The following PRKG1 variants were observed in gnomAD, a reference collection of about 807,000 sequenced individuals.
The protein encoded by PRKG1 is protein kinase cGMP-dependent 1.
In PRKG1, 35 loss-of-function variants were observed where a neutral mutation model predicts 88.1. The observed-to-expected ratio is 0.40, with a 90% confidence interval of 0.30 to 0.53. The LOEUF (loss-of-function observed/expected upper bound fraction) is 0.53. Ranked by LOEUF, PRKG1 falls within the 20% of genes least tolerant of loss-of-function variation. PRKG1 has a pLI of 0.59. For missense variants in PRKG1, 540 were observed against 839.8 expected, an observed-to-expected ratio of 0.64 and a Z score of 4.41; for synonymous variants, 303 against 292.5, an observed-to-expected ratio of 1.04 and a Z score of -0.37.
intron 1 of PRKG1, among the ~76,000 whole-genome samples, chr10:51,117,165 C>G (rs1167388519): frequency 6.6e-6 from 1 of 152,110 alleles, no homozygotes; most frequent in Non-Finnish European, 1.5e-5. Flanking sequence ...TACCCTGTAT[C>G]CTAATTATAG....
At chr10:52,017,619 G>A (rs918809813) in intron 5 of PRKG1, among the ~76,000 whole-genome samples, 3 of 152,132 alleles carry the variant, frequency 2.0e-5, no homozygotes, top group African/African-American at 7.2e-5. Context: ...ATGGGATATA[G>A]ATAAAAAGTT....
Position 51,205,571 on chromosome 10 carries a change from C to T in PRKG1, c.478+52241C>T, listed in dbSNP as rs532081627. ...TTATTTCTTGAGATAGAGTTTTGCT[C>T]GTTGCCCTAGCTGGAGTGCAGTGGT... On this transcript the variant is annotated intron_variant, in intron 2 of 17. Coordinates refer to ENST00000373980, the MANE Select transcript of PRKG1 (RefSeq NM_006258.4). 5.3e-5 allele frequency among the ~76,000 whole-genome samples: 8 copies of T among 150,928 alleles called. 1 individual carries two copies. In the East Asian group the frequency reaches 6.0e-4, roughly 11 times the overall value.
intron 3 of PRKG1, among the ~76,000 whole-genome samples, chr10:51,602,573 C>A (rs76070882): frequency 0.054 from 8,266 of 151,884 alleles, 340 homozygotes; most frequent in Middle Eastern, 0.088. Context: ...CCATGCCTGG[C>A]TGATTTTTTT....
chr10:51,008,807 T>A (rs1435250089), intron 1 of PRKG1, among the ~76,000 whole-genome samples: 1 of 152,196 alleles, frequency 6.6e-6, no homozygotes, highest in Non-Finnish European at 1.5e-5. Context: ...AGATTTTGGA[T>A]GAGATGAAGA....
intron 5 of PRKG1, among the ~76,000 whole-genome samples, chr10:51,988,770 T>C (rs1214011793): frequency 1.3e-5 from 2 of 152,068 alleles, no homozygotes; most frequent in African/African-American, 4.8e-5. Flanking sequence ...TTGCCAGTTA[T>C]GGGTGTGGCA....
In PRKG1 at chr10:51,488,046, A is replaced by G. The variant is rs568245313; in HGVS notation, c.592+20210A>G. 3.9e-5 allele frequency among the ~76,000 whole-genome samples: 6 copies of G among 152,246 alleles called. No individual in the cohort carries two copies. In the South Asian group the frequency reaches 1.0e-3, roughly 26 times the overall value. The stretch of plus-strand genomic sequence containing the variant: ...TACATGGTTCTAGGATTAAAATGAG[A>G]CTACATTTTAATCAATAGAGTCAGT... On this transcript the variant is annotated intron_variant, in intron 3 of 17. Transcript: ENST00000373980.
intron 9 of PRKG1, among the ~76,000 whole-genome samples, chr10:52,203,224 C>G (rs117958631): frequency 6.6e-6 from 1 of 152,200 alleles, no homozygotes; most frequent in Non-Finnish European, 1.5e-5. Context: ...TCTTTGTTCT[C>G]ATTAGTTTCA....
intron 8 of PRKG1, among the ~76,000 whole-genome samples, chr10:52,137,709 C>T (rs900353856): frequency 2.6e-5 from 4 of 151,922 alleles, no homozygotes; most frequent in African/African-American, 4.8e-5. Flanking sequence ...TAGGAAATTA[C>T]GAGAAAAAAA....
At position 52,064,542 on chromosome 10, in the gene PRKG1, C is replaced by T. The variant is rs1003230559; in HGVS notation, c.935+1911C>T. ...CACAGGGGAGGCCCGGGTCCATGGC[C>T]GTGACTTCGGGCAGCTGTAGCTGCA... On this transcript the variant is annotated intron_variant, in intron 7 of 17. Transcript: ENST00000373980. Among the ~76,000 whole-genome samples, 4 of 152,304 alleles carry T rather than the reference C, an allele frequency of 2.6e-5. No homozygotes were observed. In the East Asian group the frequency reaches 7.7e-4, roughly 29 times the overall value.
intron 3 of PRKG1, among the ~76,000 whole-genome samples, chr10:51,506,749 C>G (rs1275831440): frequency 6.6e-6 from 1 of 152,074 alleles, no homozygotes; most frequent in South Asian, 2.1e-4. Flanking sequence ...TGTGGCGATT[C>G]CTCAGGATCT....
At chr10:52,075,915 G>C (rs1846616982) in intron 7 of PRKG1, among the ~76,000 whole-genome samples, 1 of 152,070 alleles carries the variant, frequency 6.6e-6, no homozygotes. Flanking sequence ...TAAACCTAAG[G>C]ATCTCCCAAA....
chr10:51,009,798 G>A (rs1285364915), intron 1 of PRKG1, among the ~76,000 whole-genome samples: 1 of 152,124 alleles, frequency 6.6e-6, no homozygotes, highest in Non-Finnish European at 1.5e-5. Flanking sequence ...TAAAATATTT[G>A]ACAATGCATT....
chr10:52,253,110 C>G (rs1329711012), intron 10 of PRKG1, among the ~76,000 whole-genome samples: 1 of 151,964 alleles, frequency 6.6e-6, no homozygotes, highest in Non-Finnish European at 1.5e-5. Flanking sequence ...ATTTCTAAAA[C>G]AGTCTCCAAA....
At chr10:52,157,724 T>C (rs545674519) in intron 8 of PRKG1, among the ~76,000 whole-genome samples, 2 of 151,610 alleles carry the variant, frequency 1.3e-5, no homozygotes, top group South Asian at 4.1e-4. Flanking sequence ...GTAAGAGTTA[T>C]AGTTTCTTCT....
intron 3 of PRKG1, among the ~76,000 whole-genome samples, chr10:51,650,434 T>G (rs190208837): frequency 3.3e-5 from 5 of 152,152 alleles, no homozygotes. Context: ...AGAGAAAAAA[T>G]TTTCTTGTAT....
chr10:51,387,935 A>G (rs1418475745), intron 2 of PRKG1, among the ~76,000 whole-genome samples: 1 of 152,186 alleles, frequency 6.6e-6, no homozygotes, highest in Non-Finnish European at 1.5e-5. Context: ...CATTTTTAAA[A>G]TTAAATCCAG....
intron 2 of PRKG1, among the ~76,000 whole-genome samples, chr10:51,407,272 G>T (rs1046658907): frequency 2.4e-4 from 36 of 151,858 alleles, no homozygotes; most frequent in African/African-American, 8.5e-4. Flanking sequence ...CATCCCCTGA[G>T]ATCATGCATA....
intron 3 of PRKG1, among the ~76,000 whole-genome samples, chr10:51,574,909 G>C (rs1837846216): frequency 6.6e-6 from 1 of 151,972 alleles, no homozygotes; most frequent in South Asian, 2.1e-4. Flanking sequence ...AGCTTTTGCT[G>C]ACATAGTTGA....
intron 1 of PRKG1, among the ~76,000 whole-genome samples, chr10:51,035,874 CTTTA>C (rs369483340): frequency 3.9e-5 from 6 of 151,904 alleles, no homozygotes; most frequent in Admixed American, 6.6e-5. Flanking sequence ...GAGTACATAC[CTTTA>C]TTTATTTATT....
Sources: gnomAD v4.1 joint callset for allele counts (sites outside exome capture counted in the v4.1 genomes callset) on GRCh38, gnomAD v4.1.1 for gene constraint, MANE v1.5 for transcripts, NCBI Gene and HGNC (gene_info 2026-07-23, HGNC 2026-07-21) for gene names.